Variants in STK32A observed in about 807,000 individuals in gnomAD.
The protein encoded by STK32A is serine/threonine-protein kinase 32A.
A neutral mutation model predicts 53.2 loss-of-function variants in STK32A; 41 were observed. The ratio of observed to expected loss-of-function variants is 0.77; its 90% CI spans 0.60 to 1.00. The LOEUF (loss-of-function observed/expected upper bound fraction) is 1.00, where lower values mean the gene tolerates loss of function less well. Ranked by LOEUF, STK32A falls within the 50% of genes least tolerant of loss-of-function variation. The pLI is 0.00. For synonymous variants in STK32A, 166 were observed against 162.8 expected (o/e 1.02, Z -0.15); for missense variants, 458 against 485.8 (o/e 0.94, Z 0.54).
At chr5:147,266,849 C>T (rs1727632268) in intron 2 of STK32A, among the ~76,000 whole-genome samples, 1 of 152,046 alleles carries the variant, frequency 6.6e-6, no homozygotes, top group African/African-American at 2.4e-5. Flanking sequence ...CATAGAGAAA[C>T]CCTGCCTCTC....
chr5:147,303,969 C>G (rs1753269962), intron 4 of STK32A, among the ~76,000 whole-genome samples: 1 of 152,136 alleles, frequency 6.6e-6, no homozygotes, highest in African/African-American at 2.4e-5. Context: ...TTTACTCATC[C>G]TTTATTGAAA....
intron 4 of STK32A, among the ~76,000 whole-genome samples, chr5:147,318,993 T>A (rs1215321368): frequency 6.6e-6 from 1 of 152,204 alleles, no homozygotes; most frequent in East Asian, 1.9e-4. Flanking sequence ...GCTTAGGTTG[T>A]AAATTGCCTC....
intron 5 of STK32A, among the ~76,000 whole-genome samples, chr5:147,329,852 T>C (rs1163637916): frequency 2.0e-5 from 3 of 152,236 alleles, no homozygotes; most frequent in Admixed American, 2.0e-4. Flanking sequence ...TGCTGGATAA[T>C]TCAATGACTG....
chr5:147,394,153 A>G, the STK32A span: 2 of 1,606,360 alleles, frequency 1.2e-6, no homozygotes, highest in South Asian at 1.1e-5. Context: ...CCCAGGGGGA[A>G]AAAAAAAACA....
chr5:147,361,519 C>T lies in STK32A; in HGVS notation c.565C>T (p.Pro189Ser). ...TMAGTKPYMAPEMFSSRKGAG... is the reference protein window; with the variant it reads ...TMAGTKPYMASEMFSSRKGAG... ...GTTTAATTTTTCGTGTTTTTCAGCA[C>T]CTGAGATGTTCAGCTCCAGAAAAGG... The change falls in exon 8 of 13, where the codon CCT becomes TCT. Residue 189 changes from proline (P) to serine (S), a missense_variant and splice_region_variant. Coordinates refer to ENST00000397936, the MANE Select transcript of STK32A (RefSeq NM_001112724.2). 1 of 1,610,974 alleles carries T rather than the reference C, an allele frequency of 6.2e-7. No individual in the cohort carries two copies. Among genetic ancestry groups the T allele is most frequent in the Admixed American group, 1.7e-5 (1 of 59,706 alleles).
chr5:147,284,710 A>C lies in STK32A; in HGVS notation c.260+5312A>C, dbSNP rs552404220. The stretch of plus-strand genomic sequence containing the variant: ...ACAAGACAAAACAAAAAAACAACAA[A>C]AAAAAAACAAATACTTAGGAATATA... On this transcript the variant is annotated intron_variant, in intron 4 of 12. Transcript: ENST00000397936. 3.0e-3 allele frequency among the ~76,000 whole-genome samples: 454 copies of C among 151,640 alleles called. 1 individual carries two copies. The highest frequency in any genetic ancestry group is 0.01 in the African/African-American group (426 of 41,384).
intron 4 of STK32A, among the ~76,000 whole-genome samples, chr5:147,300,512 A>C (rs1333197573): frequency 6.6e-6 from 1 of 152,216 alleles, no homozygotes; most frequent in Admixed American, 6.5e-5. Context: ...ATCTTCCACA[A>C]CAGTGCCTAC....
At chr5:147,395,835 A>G in the STK32A span, 3 of 1,214,744 alleles carry the variant, frequency 2.5e-6, no homozygotes, top group Non-Finnish European at 3.4e-6. Context: ...GGAATTAACA[A>G]TAATAAAGAT....
At chr5:147,254,218 A>T (rs759551405) in intron 2 of STK32A, among the ~76,000 whole-genome samples, 2 of 152,192 alleles carry the variant, frequency 1.3e-5, no homozygotes, top group Non-Finnish European at 2.9e-5. Context: ...CTGACATACT[A>T]GGGGTTAGGA....
chr5:147,351,676 G>A (rs1226073546), intron 7 of STK32A, among the ~76,000 whole-genome samples: 5 of 152,122 alleles, frequency 3.3e-5, no homozygotes, highest in Admixed American at 3.3e-4. Flanking sequence ...GTGAAACCCT[G>A]TCTCTACTAA....
chr5:147,291,987 C>G (rs1723997016), intron 4 of STK32A, among the ~76,000 whole-genome samples: 1 of 152,176 alleles, frequency 6.6e-6, no homozygotes, highest in Admixed American at 6.5e-5. Context: ...AAAAGCCTCT[C>G]TAAACTAGAT....
chr5:147,293,018 CCTTCAGAAA>C (rs905173410), intron 4 of STK32A, among the ~76,000 whole-genome samples: 6 of 152,166 alleles, frequency 3.9e-5, no homozygotes, highest in Non-Finnish European at 5.9e-5. Context: ...ATTTCCAAAA[CCTTCAGAAA>C]CTTGTATTCG....
chr5:147,253,602 C>A (rs1389536366), intron 2 of STK32A, among the ~76,000 whole-genome samples: 2 of 152,138 alleles, frequency 1.3e-5, no homozygotes, highest in African/African-American at 4.8e-5. Flanking sequence ...GTGATCCACC[C>A]ACCTCAGCCT....
chr5:147,285,756 C>T (rs1384942155), intron 4 of STK32A, among the ~76,000 whole-genome samples: 1 of 118,276 alleles, frequency 8.5e-6, no homozygotes, highest in African/African-American at 3.3e-5. Context: ...CTTACTCCTG[C>T]AAGAATGGTT....
chr5:147,266,691 T>A (rs1754827001), intron 2 of STK32A, among the ~76,000 whole-genome samples: 1 of 152,134 alleles, frequency 6.6e-6, no homozygotes, highest in African/African-American at 2.4e-5. Flanking sequence ...GTTGGTCCTG[T>A]GTGAAGTCCT....
At chr5:147,236,240 G>T (rs1349241434) in intron 1 of STK32A, among the ~76,000 whole-genome samples, 15 of 152,136 alleles carry the variant, frequency 9.9e-5, no homozygotes. Context: ...TTAATAATCT[G>T]ATAATCGGCC....
At position 147,387,171 on chromosome 5, in the gene STK32A, A is replaced by G. The variant is rs1258314789; in HGVS notation, c.*3188A>G. Reference sequence around the variant, plus strand: ...CACTGTGACAGAGCTGCCCACCTCCAGTACACCCTCAGTGACCTCGAGTAG... The same window carrying G: ...CACTGTGACAGAGCTGCCCACCTCCGGTACACCCTCAGTGACCTCGAGTAG... On this transcript the variant is annotated 3_prime_UTR_variant, in exon 13 of 13. Transcript: ENST00000397936. The G allele has an allele frequency of 3.3e-5, 5 of 152,230 alleles. No homozygotes were observed. The highest frequency in any genetic ancestry group is 1.2e-4 in the African/African-American group (5 of 41,448). 9.4% of individuals were successfully genotyped at this position (152,230 alleles called of 1,614,324 possible).
At chr5:147,274,673 A>G (rs374789015) in intron 2 of STK32A, among the ~76,000 whole-genome samples, 57 of 152,346 alleles carry the variant, frequency 3.7e-4, no homozygotes, top group African/African-American at 1.2e-3. Flanking sequence ...TAATAGCACT[A>G]CTAGTAAAAG....
intron 2 of STK32A, among the ~76,000 whole-genome samples, chr5:147,256,445 C>T (rs72822050): frequency 3.3e-3 from 508 of 152,326 alleles, no homozygotes; most frequent in Non-Finnish European, 4.6e-3. Context: ...CCATTCTAAC[C>T]AGGCATTTGC....
Sources: allele counts gnomAD v4.1 joint callset (sites outside exome capture counted in the v4.1 genomes callset), GRCh38; gene constraint gnomAD v4.1.1; transcripts MANE v1.5; gene names NCBI Gene and HGNC (gene_info 2026-07-23, HGNC 2026-07-21).